The following FAM193A variants were observed in gnomAD, a reference collection of about 807,000 sequenced individuals.
The protein encoded by FAM193A is family with sequence similarity 193 member A, also known as protein FAM193A.
FAM193A carries 22 observed loss-of-function variants against 126.5 expected under a neutral mutation model. The ratio of observed to expected loss-of-function variants is 0.17; its 90% CI spans 0.12 to 0.25. The LOEUF (loss-of-function observed/expected upper bound fraction) is 0.25, where lower values mean the gene tolerates loss of function less well. Ranked by LOEUF, FAM193A falls within the 10% of genes least tolerant of loss-of-function variation. The pLI, the probability that FAM193A is intolerant of heterozygous loss-of-function variation, is 1.00. For missense variants in FAM193A, 1,675 were observed against 1,672.8 expected (o/e 1.00, Z -0.02); for synonymous variants, 761 against 646.8 (o/e 1.18, Z -2.68).
At chr4:2,569,424 C>A (rs1307813558) in intron 1 of FAM193A, among the ~76,000 whole-genome samples, 1 of 152,100 alleles carries the variant, frequency 6.6e-6, no homozygotes, top group Admixed American at 6.6e-5. Context: ...TTTATCGAAT[C>A]CTATTTATTT....
chr4:2,541,755 A>G (rs1016237697), intron 1 of FAM193A, among the ~76,000 whole-genome samples: 4 of 151,630 alleles, frequency 2.6e-5, no homozygotes, highest in Non-Finnish European at 5.9e-5. Flanking sequence ...ATTGTGTACT[A>G]TTGAGTTGTG....
intron 20 of FAM193A, among the ~76,000 whole-genome samples, chr4:2,727,802 A>G (rs1044111768): frequency 2.6e-5 from 4 of 152,202 alleles, no homozygotes; most frequent in Non-Finnish European, 5.9e-5. Flanking sequence ...GGGCAGAGGA[A>G]TCTGTGAGCA....
At chr4:2,616,813 G>A (rs770161646) in intron 2 of FAM193A, among the ~76,000 whole-genome samples, 3 of 150,932 alleles carry the variant, frequency 2.0e-5, no homozygotes, top group Non-Finnish European at 4.4e-5. Flanking sequence ...TGATCTGCCC[G>A]CCCTGGCCTC....
chr4:2,723,349 G>C (rs796370708), intron 20 of FAM193A, among the ~76,000 whole-genome samples: 31 of 152,116 alleles, frequency 2.0e-4, no homozygotes, highest in African/African-American at 7.5e-4. Flanking sequence ...GCCAAGGCGG[G>C]TGGATCATGA....
chr4:2,699,446 C>CCA (rs78563573), intron 18 of FAM193A, among the ~76,000 whole-genome samples: 29,543 of 103,406 alleles, frequency 0.29, 5,877 homozygotes, highest in Middle Eastern at 0.47. Flanking sequence ...ACCCCCCCCC[C>CCA]CACACACACA....
chr4:2,555,574 T>A (rs914803886), intron 1 of FAM193A, among the ~76,000 whole-genome samples: 1 of 152,170 alleles, frequency 6.6e-6, no homozygotes, highest in Non-Finnish European at 1.5e-5. Flanking sequence ...AGCCCGGGAT[T>A]TTGAGACCAG....
rs758408323 is a variant in FAM193A at position 2,659,902 on chromosome 4, C to T, written c.1593C>T (p.Leu531=). The change falls in exon 10 of 21, where the codon CTC becomes CTT. Residue 531 remains leucine, a synonymous_variant. Coordinates refer to ENST00000637812, the MANE Select transcript of FAM193A (RefSeq NM_001366318.2). ...PVTDDIHIHQ[L]PLQVDPAPDY... is the part of the protein sequence containing the mutation. ...CTGATGACATCCACATTCACCAGCT[C>T]CCACTTCAAGTGGATCCTGCTCCTG... The T allele has an allele frequency of 1.9e-6, 3 of 1,614,154 alleles. No homozygotes were observed. The highest frequency in any genetic ancestry group is 1.7e-5 in the Admixed American group (1 of 60,022).
chr4:2,635,995 G>T (rs1416373322), intron 5 of FAM193A, among the ~76,000 whole-genome samples: 1 of 146,746 alleles, frequency 6.8e-6, no homozygotes, highest in Non-Finnish European at 1.5e-5. Flanking sequence ...TTGGAAAAAG[G>T]ACGAATTTTT....
At chr4:2,713,378 C>T (rs1465596883) in intron 19 of FAM193A, among the ~76,000 whole-genome samples, 1 of 152,196 alleles carries the variant, frequency 6.6e-6, no homozygotes, top group East Asian at 1.9e-4. Flanking sequence ...TGCACTCCAG[C>T]CTGGCAATAG....
upstream of FAM193A, chr4:2,536,552 G>A (rs1736879973): frequency 6.7e-6 from 1 of 149,004 alleles, no homozygotes; most frequent in African/African-American, 2.4e-5. Context: ...AAGCAGAGCC[G>A]GGGGGCGGAG....
At chr4:2,565,276 T>TAA (rs1553886980) in intron 1 of FAM193A, among the ~76,000 whole-genome samples, 4 of 47,910 alleles carry the variant, frequency 8.3e-5, no homozygotes, top group East Asian at 9.0e-4. Flanking sequence ...TTTTTTTTTT[T>TAA]AAAAGATGCA....
intron 1 of FAM193A, among the ~76,000 whole-genome samples, chr4:2,557,176 C>A (rs846082): frequency 0.26 from 39,697 of 152,020 alleles, 5,721 homozygotes; most frequent in Middle Eastern, 0.37. Context: ...TATCACAATA[C>A]ATTGTAATAA....
At chr4:2,684,581 C>A (rs1055843607) in intron 13 of FAM193A, among the ~76,000 whole-genome samples, 1 of 152,168 alleles carries the variant, frequency 6.6e-6, no homozygotes, top group Non-Finnish European at 1.5e-5. Flanking sequence ...GCTCAGCTTA[C>A]TCTGTGAGAA....
At chr4:2,670,324 A>G (rs969591278) in intron 12 of FAM193A, among the ~76,000 whole-genome samples, 14 of 151,896 alleles carry the variant, frequency 9.2e-5, no homozygotes, top group African/African-American at 3.4e-4. Flanking sequence ...TATATGTTGA[A>G]TCTTTATTTT....
chr4:2,697,509 G>A (rs1039467831), intron 18 of FAM193A, among the ~76,000 whole-genome samples: 7 of 152,216 alleles, frequency 4.6e-5, no homozygotes, highest in African/African-American at 1.7e-4. Context: ...GAGGGAACTT[G>A]TAGGTTCCTG....
At chr4:2,715,943 C>T (rs1719487841) in intron 19 of FAM193A, 80 bp from the exon 20 acceptor site, 1 of 861,106 alleles carries the variant, frequency 1.2e-6, no homozygotes. Context: ...TTAAATTGAG[C>T]GAAGACAAAT....
intron 1 of FAM193A, among the ~76,000 whole-genome samples, chr4:2,581,903 T>G (rs1403890824): frequency 6.6e-6 from 1 of 152,168 alleles, no homozygotes; most frequent in East Asian, 1.9e-4. Context: ...TCTGCCTGCC[T>G]CGGCCTCCCA....
At position 2,732,380 on chromosome 4, in the gene FAM193A, A is replaced by T. The variant is rs1434917819; in HGVS notation, c.*512A>T. The T allele has an allele frequency of 5.9e-6, 1 of 169,464 alleles. No individual in the cohort carries two copies. The highest frequency in any genetic ancestry group is 1.7e-4 in the East Asian group (1 of 5,876). The allele number at this position is 169,464 out of a possible 1,614,324, so 10.5% of individuals were successfully genotyped here. ...TGTTTGATCCCCCTGACTTGTAGCC[A>T]GCTTGTGTAAGATCCCTTGCAGAAC... On this transcript the variant is annotated 3_prime_UTR_variant, in exon 21 of 21. Transcript: ENST00000637812.
intron 1 of FAM193A, among the ~76,000 whole-genome samples, chr4:2,562,926 C>A (rs529440702): frequency 6.6e-6 from 1 of 151,118 alleles, no homozygotes; most frequent in South Asian, 2.1e-4. Context: ...CCACACCTGG[C>A]GATTTGCATT....
Sources: allele counts gnomAD v4.1 joint callset (sites outside exome capture counted in the v4.1 genomes callset), GRCh38; gene constraint gnomAD v4.1.1; transcripts MANE v1.5; gene names NCBI Gene and HGNC (gene_info 2026-07-23, HGNC 2026-07-21).